DMXL1: variants seen among roughly 807,000 people sequenced by gnomAD.
DMXL1 encodes the protein Dmx like 1.
DMXL1 carries 99 observed loss-of-function variants against 319.2 expected under a neutral mutation model. The observed-to-expected ratio is 0.31, with a 90% confidence interval of 0.26 to 0.37. DMXL1 has a LOEUF of 0.37. DMXL1 is among the 10% of genes least tolerant of loss of function. The pLI, the probability that DMXL1 is intolerant of heterozygous loss-of-function variation, is 1.00. For synonymous variants in DMXL1, 1,385 were observed against 1,235.2 expected, an observed-to-expected ratio of 1.12 and a Z score of -2.54; for missense variants, 3,745 against 3,595.6, an observed-to-expected ratio of 1.04 and a Z score of -1.06.
chr5:119,125,523 C>G (rs1005910970), intron 9 of DMXL1, among the ~76,000 whole-genome samples: 2 of 152,056 alleles, frequency 1.3e-5, no homozygotes, highest in African/African-American at 4.8e-5. Flanking sequence ...AAGGAGGGCA[C>G]TAAATGTGGA....
intron 42 of DMXL1, among the ~76,000 whole-genome samples, chr5:119,243,301 G>C (rs1283882218): frequency 6.6e-6 from 1 of 152,094 alleles, no homozygotes; most frequent in East Asian, 1.9e-4. Flanking sequence ...GACTATACAT[G>C]ATCTGCATAT....
At chr5:119,124,131 A>G (rs1762939176) in intron 9 of DMXL1, among the ~76,000 whole-genome samples, 1 of 151,626 alleles carries the variant, frequency 6.6e-6, no homozygotes, top group African/African-American at 2.4e-5. Flanking sequence ...TAACATGGTA[A>G]AACCCCGTCT....
chr5:119,239,684 A>G (rs1031415948), intron 41 of DMXL1, among the ~76,000 whole-genome samples: 19 of 152,134 alleles, frequency 1.2e-4, no homozygotes, highest in Non-Finnish European at 1.5e-5. Context: ...GGTCGGGCAC[A>G]GTGGCTCATG....
At chr5:119,086,752 T>G (rs1329310688) in intron 1 of DMXL1, among the ~76,000 whole-genome samples, 1 of 152,012 alleles carries the variant, frequency 6.6e-6, no homozygotes, top group East Asian at 1.9e-4. Context: ...AGGTTTTGAA[T>G]TTTTTTTGAA....
At chr5:119,106,611 A>G (rs1163655184) in intron 4 of DMXL1, among the ~76,000 whole-genome samples, 2 of 152,192 alleles carry the variant, frequency 1.3e-5, no homozygotes, top group African/African-American at 2.4e-5. Context: ...TCTAAAAACT[A>G]TAGGTTTTCA....
chr5:119,072,443 T>A (rs1201861052), intron 1 of DMXL1, among the ~76,000 whole-genome samples: 3 of 152,180 alleles, frequency 2.0e-5, no homozygotes, highest in Non-Finnish European at 2.9e-5. Context: ...ATGCTAATGA[T>A]TTTTGCTACA....
At chr5:119,198,943 G>T (rs970637746) in intron 32 of DMXL1, among the ~76,000 whole-genome samples, 9 of 152,142 alleles carry the variant, frequency 5.9e-5, no homozygotes, top group Non-Finnish European at 1.2e-4. Context: ...CTGGAGTAGA[G>T]TGGCACAATC....
In DMXL1 at chr5:119,173,196, C is replaced by T. The variant is rs570395301; in HGVS notation, c.6681+1227C>T. The stretch of plus-strand genomic sequence containing the variant: ...TCTACTAAAAATACAAAAAATTAGC[C>T]AGGCGTAGTGGCACATGCCTATAAT... On this transcript the variant is annotated intron_variant, in intron 25 of 43. Coordinates refer to ENST00000539542, the MANE Select transcript of DMXL1 (RefSeq NM_001290321.3). Among the ~76,000 whole-genome samples the T allele has an allele frequency of 4.6e-5, 7 of 151,954 alleles. No individual in the cohort carries two copies. The East Asian group carries it at 1.4e-3, about 30-fold the overall frequency.
chr5:119,146,057 G>T (rs185093061), intron 15 of DMXL1, among the ~76,000 whole-genome samples: 236 of 151,832 alleles, frequency 1.6e-3, no homozygotes, highest in African/African-American at 3.6e-3. Flanking sequence ...AATACAAGAT[G>T]ATTTAAAACA....
At position 119,164,528 on chromosome 5, in the gene DMXL1, C is replaced by T. The variant is rs1022573126; in HGVS notation, c.4724C>T (p.Ala1575Val). The change falls in exon 20 of 44, where the codon GCT (alanine) becomes GTT (valine). Residue 1575 changes from alanine (A) to valine (V), a missense_variant. By Grantham distance (64) the Ala-to-Val change is moderately conservative. This residue lies in a region of DMXL1 where 2,096 missense variants were observed against 1,985.4 expected (regional missense o/e 1.06). Transcript: ENST00000539542. ...LHQGLSTSHF[A>V]WAFHSVAEEE... ...TCAGGCCTGTCTACAAGTCATTTTG[C>T]TTGGGCATTTCACTCAGTAGCAGAA... is the stretch of plus-strand genomic sequence containing the variant. 6.2e-7 allele frequency: 1 copy of T among 1,613,538 alleles called. No individual in the cohort carries two copies. Among genetic ancestry groups the T allele is most frequent in the Admixed American group, 1.7e-5 (1 of 59,966 alleles).
At position 119,244,360 on chromosome 5, in the gene DMXL1, A is replaced by G. The variant is rs756412961; in HGVS notation, c.8706A>G (p.Ala2902=). The stretch of plus-strand genomic sequence containing the variant: ...GTTTTTTTTTTAATTTACTTTCAGC[A>G]TTTACCTGCCATGACAGTGGAGCCA... ...LVAPANSLVH[A]FTCHDSGATV... is the part of the protein sequence containing the mutation. The change falls in exon 43 of 44, where the codon GCA becomes GCG. Residue 2902 remains alanine, a splice_region_variant and synonymous_variant. Coordinates refer to ENST00000539542, the MANE Select transcript of DMXL1 (RefSeq NM_001290321.3). 3.1e-6 allele frequency: 5 copies of G among 1,607,562 alleles called. No individual in the cohort carries two copies. The highest frequency in any genetic ancestry group is 4.2e-6 in the Non-Finnish European group (5 of 1,177,522).
chr5:119,140,619 G>A (rs1767093260), intron 13 of DMXL1, among the ~76,000 whole-genome samples: 1 of 151,904 alleles, frequency 6.6e-6, no homozygotes, highest in Admixed American at 6.6e-5. Context: ...GTAATAAATA[G>A]CCTACCAACC....
chr5:119,231,123 T>C (rs1786638913), intron 38 of DMXL1, among the ~76,000 whole-genome samples: 1 of 152,180 alleles, frequency 6.6e-6, no homozygotes, highest in Admixed American at 6.5e-5. Flanking sequence ...GCATTAGAGA[T>C]TCCCTTTTAT....
intron 19 of DMXL1, among the ~76,000 whole-genome samples, chr5:119,157,970 CTGGATATCT>C (rs1363524239): frequency 6.6e-6 from 1 of 152,240 alleles, no homozygotes; most frequent in East Asian, 1.9e-4. Context: ...TCTGTGAACA[CTGGATATCT>C]TACCATTTAT....
intron 38 of DMXL1, among the ~76,000 whole-genome samples, chr5:119,226,857 G>A (rs1480989741): frequency 6.6e-6 from 1 of 152,188 alleles, no homozygotes; most frequent in Non-Finnish European, 1.5e-5. Flanking sequence ...AAAAGAAACA[G>A]ATGAAAAGTA....
intron 1 of DMXL1, among the ~76,000 whole-genome samples, chr5:119,082,018 TATACACACACAC>T (rs1191871736): frequency 4.9e-4 from 35 of 71,428 alleles, no homozygotes; most frequent in African/African-American, 1.2e-3. Flanking sequence ...TATATATATA[TATACACACACAC>T]ACACACACAC....
At chr5:119,139,439 A>G (rs2150083678) in intron 13 of DMXL1, among the ~76,000 whole-genome samples, 1 of 152,350 alleles carries the variant, frequency 6.6e-6, no homozygotes, top group South Asian at 2.1e-4. Flanking sequence ...AAATCTACCA[A>G]GTAAATGGAA....
In DMXL1 at chr5:119,217,296, A is replaced by G. The variant is rs111314039; in HGVS notation, c.8013+309A>G. Among the ~76,000 whole-genome samples, 671 of 152,246 alleles carry G rather than the reference A, an allele frequency of 4.4e-3. 7 individuals are homozygous for G. Among genetic ancestry groups the G allele is most frequent in the African/African-American group, 0.014 (601 of 41,550 alleles). On this transcript the variant is annotated intron_variant, in intron 35 of 43. Coordinates refer to ENST00000539542, the MANE Select transcript of DMXL1 (RefSeq NM_001290321.3). ...AGTTAACCCACAGAAAAAGTTTTTT[A>G]TGTTCCTTATGAATATGTCAAATGT...
intron 38 of DMXL1, among the ~76,000 whole-genome samples, chr5:119,225,937 A>C (rs971409734): frequency 6.6e-6 from 1 of 152,160 alleles, no homozygotes; most frequent in Non-Finnish European, 1.5e-5. Flanking sequence ...ATTATTCTAC[A>C]TCAGGAAATA....
Sources: allele counts gnomAD v4.1 joint callset (sites outside exome capture counted in the v4.1 genomes callset), GRCh38; gene constraint gnomAD v4.1.1; regional missense constraint gnomAD v4.1.1; transcripts MANE v1.5; gene names NCBI Gene and HGNC (gene_info 2026-07-23, HGNC 2026-07-21).